IGSF10: variants seen among roughly 807,000 people sequenced by gnomAD.
IGSF10 encodes calvaria mechanical force protein 608.
In IGSF10, 126 loss-of-function variants were observed where a neutral mutation model predicts 128.2. The observed-to-expected ratio is 0.98, with a 90% CI of 0.85 to 1.14. The LOEUF is 1.14. Ranked by LOEUF, IGSF10 falls within the 50% of genes most tolerant of loss-of-function variation. The probability of loss-of-function intolerance (pLI) is 0.00; values close to 1 mark genes in which losing one functional copy is unlikely to be tolerated. For synonymous variants in IGSF10, 1,185 were observed against 1,146.2 expected (o/e 1.03, Z -0.68); for missense variants, 3,295 against 3,149.8 (o/e 1.05, Z -1.10).
At chr3:151,529,546 C>T in the IGSF10 span, among the ~76,000 whole-genome samples, 6 of 152,166 alleles carry the variant, frequency 3.9e-5, no homozygotes, top group Non-Finnish European at 5.9e-5. Context: ...CAGCCTCTGC[C>T]GGTGATACCT....
intron 5 of IGSF10, among the ~76,000 whole-genome samples, chr3:151,449,884 G>A (rs2108559560): frequency 6.6e-6 from 1 of 152,276 alleles, no homozygotes; most frequent in South Asian, 2.1e-4. Flanking sequence ...ATCAATAGGA[G>A]GTGAGGATTG....
chr3:151,552,547 T>G, the IGSF10 span, among the ~76,000 whole-genome samples: 1 of 152,234 alleles, frequency 6.6e-6, no homozygotes, highest in East Asian at 1.9e-4. Context: ...ACCACGGACA[T>G]CTGGGTGGCA....
At chr3:151,544,885 G>A in the IGSF10 span, among the ~76,000 whole-genome samples, 1 of 151,810 alleles carries the variant, frequency 6.6e-6, no homozygotes, top group African/African-American at 2.4e-5. Context: ...CTCTGGAACT[G>A]TTATTAGTTT....
upstream of IGSF10, chr3:151,461,117 G>A (rs1042620398): frequency 1.4e-5 from 14 of 985,226 alleles, no homozygotes; most frequent in Admixed American, 6.8e-4. Context: ...GGACGCGGCC[G>A]GGGCTCAGCA....
At chr3:151,441,831 G>T (rs1720866802) in intron 7 of IGSF10, among the ~76,000 whole-genome samples, 1 of 152,172 alleles carries the variant, frequency 6.6e-6, no homozygotes, top group Non-Finnish European at 1.5e-5. Context: ...GGAGGCTAAG[G>T]CGGGCAGATC....
the IGSF10 span, among the ~76,000 whole-genome samples, chr3:151,526,345 A>G: frequency 2.6e-5 from 4 of 151,352 alleles, no homozygotes; most frequent in Admixed American, 6.6e-5. Context: ...TTTCAGTTGT[A>G]TAACTTTGTC....
chr3:151,616,747 C>T, the IGSF10 span, among the ~76,000 whole-genome samples: 494 of 152,318 alleles, frequency 3.2e-3, no homozygotes, highest in Middle Eastern at 6.8e-3. Flanking sequence ...TCCATTCATG[C>T]ATCTATGTAT....
chr3:151,479,957 T>C, the IGSF10 span, among the ~76,000 whole-genome samples: 1 of 151,296 alleles, frequency 6.6e-6, no homozygotes, highest in Admixed American at 6.6e-5. Context: ...AAAAAAAAAA[T>C]AAGTGACAAA....
the IGSF10 span, among the ~76,000 whole-genome samples, chr3:151,563,510 AAG>A: frequency 6.6e-6 from 1 of 152,102 alleles, no homozygotes; most frequent in Non-Finnish European, 1.5e-5. Context: ...GGATATATAA[AAG>A]AGACCTCAGA....
At chr3:151,524,791 A>G in the IGSF10 span, among the ~76,000 whole-genome samples, 1 of 152,030 alleles carries the variant, frequency 6.6e-6, no homozygotes, top group Admixed American at 6.6e-5. Context: ...AAATACATAA[A>G]TAGATATTCC....
chr3:151,463,806 T>A, upstream of IGSF10, among the ~76,000 whole-genome samples: 1 of 152,018 alleles, frequency 6.6e-6, no homozygotes, highest in Non-Finnish European at 1.5e-5. Flanking sequence ...GTCAACATGG[T>A]GAAACCCCGT....
the IGSF10 span, among the ~76,000 whole-genome samples, chr3:151,512,007 T>C: frequency 1.1e-3 from 168 of 152,170 alleles, no homozygotes; most frequent in African/African-American, 4.0e-3. Context: ...TCCCACACCA[T>C]AATAACGGGA....
the IGSF10 span, among the ~76,000 whole-genome samples, chr3:151,542,480 C>G: frequency 4.6e-5 from 7 of 152,176 alleles, no homozygotes; most frequent in East Asian, 1.9e-4. Flanking sequence ...GGCATCGACT[C>G]TTCTCAACAT....
At chr3:151,609,492 A>G in the IGSF10 span, among the ~76,000 whole-genome samples, 1 of 152,146 alleles carries the variant, frequency 6.6e-6, no homozygotes, top group Admixed American at 6.5e-5. Context: ...CCCATTACTC[A>G]GTATATACCC....
In IGSF10 at chr3:151,443,655, T is replaced by G; in HGVS notation, c.5292A>C (p.Glu1764Asp). 1 of 1,614,202 alleles carries G rather than the reference T, an allele frequency of 6.2e-7. No homozygotes were observed. Among genetic ancestry groups the G allele is most frequent in the Non-Finnish European group, 8.5e-7 (1 of 1,180,026 alleles). ...EITVHSGSTV[E>D]LKCRAEGRPS... ...GCCTACCTTCTGCTCTGCACTTCAG[T>G]TCCACAGTGCTTCCGGAATGAACTG... Residue 1764 changes from glutamate (E) to aspartate (D), a missense_variant, in exon 7 of 8, where the codon GAA becomes GAC. Coordinates refer to ENST00000282466, the MANE Select transcript of IGSF10 (RefSeq NM_178822.5).
At position 151,443,464 on chromosome 3, in the gene IGSF10, T is replaced by C; in HGVS notation, c.5483A>G (p.Gln1828Arg). 3.1e-6 allele frequency: 5 copies of C among 1,614,244 alleles called. No homozygotes were observed. The highest frequency in any genetic ancestry group is 4.2e-6 in the Non-Finnish European group (5 of 1,180,040). Residue 1828 changes from glutamine (Q) to arginine (R), a missense_variant, in exon 7 of 8, where the codon CAG (glutamine) becomes CGG (arginine). Gln to Arg is a conservative substitution (Grantham distance 43). Transcript: ENST00000282466. ...YKCVASNPGGQDSLLVKIQVI... is the reference protein window; with the variant it reads ...YKCVASNPGGRDSLLVKIQVI... The stretch of plus-strand genomic sequence containing the variant: ...TTGTATTTTAACCAGCAGTGAATCC[T>C]GGCCACCTGGGTTGCTGGCCACACA...
intron 6 of IGSF10, among the ~76,000 whole-genome samples, chr3:151,444,481 T>TC (rs1454389810): frequency 1.1e-4 from 17 of 152,112 alleles, no homozygotes; most frequent in African/African-American, 3.6e-4. Context: ...CTAATTTATG[T>TC]ATTTTTTTAG....
the IGSF10 span, among the ~76,000 whole-genome samples, chr3:151,505,145 A>T: frequency 3.3e-5 from 5 of 152,338 alleles, no homozygotes; most frequent in South Asian, 1.0e-3. Flanking sequence ...TGCTGCTATG[A>T]AGACCTGAGA....
the IGSF10 span, among the ~76,000 whole-genome samples, chr3:151,507,462 C>T: frequency 6.6e-6 from 1 of 152,080 alleles, no homozygotes; most frequent in Non-Finnish European, 1.5e-5. Flanking sequence ...ATATTGTATT[C>T]GTCCAATCTC....
Sources: gnomAD v4.1 joint callset for allele counts (sites outside exome capture counted in the v4.1 genomes callset) on GRCh38, gnomAD v4.1.1 for gene constraint, MANE v1.5 for transcripts, NCBI Gene and HGNC (gene_info 2026-07-23, HGNC 2026-07-21) for gene names.